The following ZPBP variants were observed in gnomAD, a reference collection of about 807,000 sequenced individuals.
ZPBP encodes zona pellucida binding protein.
ZPBP carries 26 observed loss-of-function variants against 44.8 expected under a neutral mutation model. The observed-to-expected ratio is 0.58, with a 90% CI of 0.43 to 0.81. The LOEUF is 0.81. ZPBP is among the 30% of genes least tolerant of loss of function. The probability of loss-of-function intolerance (pLI) is 0.00; values close to 1 mark genes in which losing one functional copy is unlikely to be tolerated. For missense variants in ZPBP, 409 were observed against 434.0 expected, an observed-to-expected ratio of 0.94 and a Z score of 0.51; for synonymous variants, 174 against 153.2, an observed-to-expected ratio of 1.14 and a Z score of -1.00.
In ZPBP at chr7:50,081,799, A is replaced by G. The variant is rs1802367793; in HGVS notation, c.309T>C (p.Tyr103=). Residue 103 remains tyrosine, a synonymous_variant, in exon 3 of 8, where the codon TAT becomes TAC. Coordinates refer to ENST00000046087, the MANE Select transcript of ZPBP (RefSeq NM_007009.3). Reference sequence around the variant, plus strand: ...CTGAAACAACTTTTCCTTTAGGCCCATACCATTGGAATGATGGGTCTATCA... The same window carrying G: ...CTGAAACAACTTTTCCTTTAGGCCCGTACCATTGGAATGATGGGTCTATCA... The part of the protein sequence containing the change: ...AELIDPSFQW[Y]GPKGKVVSVE... The G allele has an allele frequency of 2.5e-6, 4 of 1,611,416 alleles. No individual in the cohort carries two copies. The highest frequency in any genetic ancestry group is 1.7e-5 in the Admixed American group (1 of 59,768).
At chr7:50,088,134 G>A (rs1387653976) in intron 2 of ZPBP, among the ~76,000 whole-genome samples, 2 of 151,936 alleles carry the variant, frequency 1.3e-5, no homozygotes, top group African/African-American at 4.8e-5. Flanking sequence ...TACATCTGGG[G>A]CCAACTGCTT....
downstream of ZPBP, among the ~76,000 whole-genome samples, chr7:49,848,273 C>G (rs1790035480): frequency 6.6e-6 from 1 of 152,196 alleles, no homozygotes; most frequent in Non-Finnish European, 1.5e-5. Flanking sequence ...GAGTGTCACC[C>G]TCCCACCTCC....
chr7:49,977,906 G>T (rs1267786972), intron 7 of ZPBP, among the ~76,000 whole-genome samples: 1 of 152,088 alleles, frequency 6.6e-6, no homozygotes, highest in African/African-American at 2.4e-5. Context: ...TATAAATGTA[G>T]ATGTCTGATT....
At chr7:49,861,916 T>C (rs1181457166) in intron 2 of ZPBP, among the ~76,000 whole-genome samples, 4 of 152,204 alleles carry the variant, frequency 2.6e-5, no homozygotes, top group Non-Finnish European at 5.9e-5. Flanking sequence ...AAATTGGGAA[T>C]TGTGTGTATT....
rs150782936 is a variant in ZPBP at position 49,902,599 on chromosome 7, G to A, written n.412-1384C>T. 3.4e-3 allele frequency among the ~76,000 whole-genome samples: 505 copies of A among 148,102 alleles called. 1 individual carries two copies. Among genetic ancestry groups the A allele is most frequent in the African/African-American group, 0.011 (466 of 40,640 alleles). ...CTCAAACCCAAACCTCACACCCTAT[G>A]AAAAATTTATCTCAGAATGGATCAT... On this transcript the variant is annotated intron_variant and non_coding_transcript_variant, in intron 1 of 2. Transcript: ENST00000465922.
At chr7:49,846,357 T>G (rs142414052), downstream of ZPBP, among the ~76,000 whole-genome samples, 188 of 152,364 alleles carry the variant, frequency 1.2e-3, 1 homozygote, top group East Asian at 0.025. Context: ...ATCTGGTCTC[T>G]TAACAGCTGT....
chr7:49,967,072 T>C (rs1332180420), intron 7 of ZPBP, among the ~76,000 whole-genome samples: 1 of 152,102 alleles, frequency 6.6e-6, no homozygotes, highest in Non-Finnish European at 1.5e-5. Flanking sequence ...AACATGACTC[T>C]GATGGAAGAG....
chr7:50,036,173 A>C (rs1009994997), intron 4 of ZPBP, among the ~76,000 whole-genome samples: 2 of 152,216 alleles, frequency 1.3e-5, no homozygotes, highest in Non-Finnish European at 2.9e-5. Flanking sequence ...GTTTGTTTTG[A>C]GACAGAGTCT....
intron 1 of ZPBP, among the ~76,000 whole-genome samples, chr7:49,906,778 C>A (rs1793120315): frequency 3.9e-5 from 6 of 152,198 alleles, no homozygotes; most frequent in Admixed American, 3.9e-4. Context: ...TGTGAAACAG[C>A]TTGTAAATTG....
chr7:49,910,043 A>C (rs1469423000), intron 1 of ZPBP, among the ~76,000 whole-genome samples: 1 of 152,012 alleles, frequency 6.6e-6, no homozygotes, highest in African/African-American at 2.4e-5. Context: ...CAGGAGATTG[A>C]AGCAGCTACA....
intron 6 of ZPBP, among the ~76,000 whole-genome samples, chr7:50,014,772 A>G (rs1798748729): frequency 6.6e-6 from 1 of 151,980 alleles, no homozygotes; most frequent in Admixed American, 6.6e-5. Context: ...GCCTAATACA[A>G]CATATTTAAA....
At chr7:49,990,731 A>T (rs1797534991) in intron 6 of ZPBP, among the ~76,000 whole-genome samples, 1 of 152,214 alleles carries the variant, frequency 6.6e-6, no homozygotes. Context: ...TTGCATGAAA[A>T]TGAACAGCTT....
chr7:49,903,507 T>C (rs1295808727), intron 1 of ZPBP, among the ~76,000 whole-genome samples: 2 of 152,198 alleles, frequency 1.3e-5, no homozygotes, highest in Non-Finnish European at 2.9e-5. Flanking sequence ...TGATACTATA[T>C]GATTCCACTT....
At position 49,874,081 on chromosome 7, in the gene ZPBP, G is replaced by A. The variant is rs145252061; in HGVS notation, n.510-23567C>T. Among the ~76,000 whole-genome samples, 305 of 152,162 alleles carry A rather than the reference G, an allele frequency of 2.0e-3. 1 individual carries two copies. The highest frequency in any genetic ancestry group is 7.1e-3 in the African/African-American group (294 of 41,510). ...TTTGCTAGTGGCTTTCCCTGAGGAA[G>A]GAGTAAGGACGGGACTGGAGTTGGT... On this transcript the variant is annotated intron_variant and non_coding_transcript_variant, in intron 2 of 2. Coordinates refer to the ZPBP transcript ENST00000465922.
intron 2 of ZPBP, among the ~76,000 whole-genome samples, chr7:49,855,714 GT>G (rs1295191945): frequency 3.3e-5 from 5 of 152,164 alleles, no homozygotes; most frequent in Non-Finnish European, 5.9e-5. Context: ...GCAAAAACGA[GT>G]CCCCTGAGGG....
chr7:50,062,378 G>A (rs1033677858), intron 3 of ZPBP, among the ~76,000 whole-genome samples: 3 of 152,084 alleles, frequency 2.0e-5, no homozygotes, highest in African/African-American at 7.2e-5. Flanking sequence ...GTAATCCTAA[G>A]TAAAAAGAGC....
chr7:49,924,957 C>T (rs796769800), intron 1 of ZPBP, among the ~76,000 whole-genome samples: 5 of 152,300 alleles, frequency 3.3e-5, no homozygotes, highest in African/African-American at 1.2e-4. Flanking sequence ...AAAGGATGAT[C>T]TAACAGCAAA....
chr7:50,005,174 A>G (rs753509349), intron 6 of ZPBP, among the ~76,000 whole-genome samples: 2 of 152,046 alleles, frequency 1.3e-5, no homozygotes, highest in Non-Finnish European at 2.9e-5. Context: ...TAAATTACAT[A>G]TAACAAAACT....
intron 2 of ZPBP, among the ~76,000 whole-genome samples, chr7:49,871,538 C>A (rs1791147541): frequency 6.6e-6 from 1 of 151,844 alleles, no homozygotes. Flanking sequence ...TGTCTTTAAG[C>A]AGAAAAACGA....
Sources: gnomAD v4.1 joint callset for allele counts (sites outside exome capture counted in the v4.1 genomes callset) on GRCh38, gnomAD v4.1.1 for gene constraint, MANE v1.5 for transcripts, NCBI Gene and HGNC (gene_info 2026-07-23, HGNC 2026-07-21) for gene names.